The following ACAT1 variants were observed in gnomAD, a reference collection of about 807,000 sequenced individuals.
ACAT1 encodes acetyl-CoA acetyltransferase, mitochondrial.
A neutral mutation model predicts 47.3 loss-of-function variants in ACAT1; 28 were observed. The ratio of observed to expected loss-of-function variants is 0.59; its 90% CI spans 0.44 to 0.81. The LOEUF (loss-of-function observed/expected upper bound fraction) is 0.81, where lower values mean the gene tolerates loss of function less well. Among genes scored for constraint, ACAT1 ranks in the 30% least tolerant of loss-of-function variants. The probability of loss-of-function intolerance (pLI) is 0.00; values close to 1 mark genes in which losing one functional copy is unlikely to be tolerated. For synonymous variants in ACAT1, 181 were observed against 173.6 expected, an observed-to-expected ratio of 1.04 and a Z score of -0.34; for missense variants, 469 against 524.3, an observed-to-expected ratio of 0.89 and a Z score of 1.03.
At chr11:108,125,698 C>T (rs961417210) in intron 1 of ACAT1, among the ~76,000 whole-genome samples, 15 of 151,992 alleles carry the variant, frequency 9.9e-5, no homozygotes, top group African/African-American at 3.1e-4. Flanking sequence ...GAGGCTGAGG[C>T]GGGCAGATCA....
chr11:108,143,913 G>A (rs2077642298), intron 9 of ACAT1, 70 bp from the exon 10 acceptor site: 2 of 1,563,896 alleles, frequency 1.3e-6, no homozygotes, highest in Middle Eastern at 1.8e-4. Flanking sequence ...GGCTAAACTT[G>A]GCTTGTGCAT....
At chr11:108,126,269 C>A (rs575688488) in intron 1 of ACAT1, among the ~76,000 whole-genome samples, 59 of 152,286 alleles carry the variant, frequency 3.9e-4, no homozygotes, top group African/African-American at 1.3e-3. Context: ...TCCCAAAGGG[C>A]TGGGATTATA....
Position 108,121,688 on chromosome 11 carries a change from G to A in ACAT1, c.72+10G>A, listed in dbSNP as rs1324987267. On this transcript the variant is annotated intron_variant, in intron 1 of 11. Transcript: ENST00000265838. ...CCGGAGGCTGGTGCAGGTGAGCGGG[G>A]TTCGTCCCCACAGCACTCAGACCCG... The A allele has an allele frequency of 6.5e-7, 1 of 1,547,580 alleles. No homozygotes were observed. The highest frequency in any genetic ancestry group is 2.4e-5 in the East Asian group (1 of 40,920).
chr11:108,146,901 G>A (rs886494477), intron 11 of ACAT1, among the ~76,000 whole-genome samples: 6 of 152,186 alleles, frequency 3.9e-5, no homozygotes, highest in African/African-American at 1.4e-4. Context: ...CCAACATGGC[G>A]AAACCCTGTC....
chr11:108,139,453 C>T (rs1046968809), intron 6 of ACAT1, among the ~76,000 whole-genome samples: 9 of 151,526 alleles, frequency 5.9e-5, no homozygotes, highest in South Asian at 2.1e-4. Context: ...ATTAGCCAGG[C>T]GTGGTGGTGG....
intron 2 of ACAT1, among the ~76,000 whole-genome samples, chr11:108,133,110 G>A (rs549638722): frequency 2.6e-5 from 4 of 152,080 alleles, no homozygotes; most frequent in Non-Finnish European, 4.4e-5. Context: ...ACTTGAACCC[G>A]GGAGGCAGAG....
intron 10 of ACAT1, among the ~76,000 whole-genome samples, chr11:108,144,497 G>GT (rs1321210622): frequency 4.6e-5 from 7 of 152,276 alleles, no homozygotes; most frequent in African/African-American, 1.7e-4. Context: ...CAAATTGTCA[G>GT]TAAGGGCTAT....
intron 10 of ACAT1, among the ~76,000 whole-genome samples, chr11:108,144,732 GA>G (rs775006373): frequency 2.2e-4 from 34 of 151,960 alleles, no homozygotes; most frequent in Middle Eastern, 3.2e-3. Context: ...GAATCAGTAG[GA>G]AACAAGAATA....
chr11:108,118,730 A>T (rs2077105578), upstream of ACAT1, among the ~76,000 whole-genome samples: 2 of 152,240 alleles, frequency 1.3e-5, no homozygotes, highest in Admixed American at 6.5e-5. Context: ...CATATTGGTG[A>T]TAAAGCTACT....
intron 1 of ACAT1, among the ~76,000 whole-genome samples, chr11:108,127,525 C>T (rs1032839316): frequency 6.6e-6 from 1 of 152,104 alleles, no homozygotes. Context: ...GCCTTGGCCT[C>T]CCAAAGTGCT....
intron 2 of ACAT1, 114 bp from the exon 3 acceptor site, chr11:108,133,706 A>C (rs2077405406): frequency 5.9e-6 from 5 of 849,100 alleles, no homozygotes; most frequent in African/African-American, 5.1e-5. Flanking sequence ...TATTGAGATT[A>C]ATTTTTGATG....
At chr11:108,145,505 C>G (rs1485475259) in intron 10 of ACAT1, among the ~76,000 whole-genome samples, 1 of 151,868 alleles carries the variant, frequency 6.6e-6, no homozygotes, top group Admixed American at 6.6e-5. Context: ...TCCACTTCAG[C>G]CTGGGTGACA....
intron 1 of ACAT1, among the ~76,000 whole-genome samples, chr11:108,126,487 G>A (rs2077249420): frequency 6.6e-6 from 1 of 152,188 alleles, no homozygotes; most frequent in South Asian, 2.1e-4. Flanking sequence ...AATTCCAAGA[G>A]CAATGAAAAG....
At chr11:108,134,432 C>G in intron 4 of ACAT1, 116 bp downstream of exon 4, 1 of 734,102 alleles carries the variant, frequency 1.4e-6, no homozygotes. Context: ...ATCACGAGGT[C>G]AAGAGATGGA....
In ACAT1 at chr11:108,146,333, A is replaced by G. The variant is rs1234841913; in HGVS notation, c.1137A>G (p.Gly379=). The change falls in exon 11 of 12, where the codon GGA becomes GGG. Residue 379 remains glycine, a synonymous_variant. Coordinates refer to ENST00000265838, the MANE Select transcript of ACAT1 (RefSeq NM_000019.4). ...CCCAAAAAGTGAATATCAATGGAGG[A>G]GCTGTTTCTCTGGGACATCCAATTG... ...IDPQKVNING[G]AVSLGHPIGM... 1 of 1,613,902 alleles carries G rather than the reference A, an allele frequency of 6.2e-7. No homozygotes were observed. The highest frequency in any genetic ancestry group is 1.3e-5 in the African/African-American group (1 of 74,916).
chr11:108,133,727 A>C, intron 2 of ACAT1, 93 bp from the exon 3 acceptor site: 1 of 1,030,244 alleles, frequency 9.7e-7, no homozygotes. Flanking sequence ...ACTCATTCAT[A>C]GAAGTGTTTT....
chr11:108,133,749 AT>A (rs1266966373), intron 2 of ACAT1, 70 bp from the exon 3 acceptor site: 3 of 1,242,928 alleles, frequency 2.4e-6, no homozygotes, highest in Non-Finnish European at 3.5e-6. Flanking sequence ...TTGATAATAT[AT>A]TTATGTTTAT....
intron 8 of ACAT1, 64 bp from the exon 9 acceptor site, chr11:108,142,358 CAATAGGTATTTGTTG>C: frequency 8.5e-6 from 9 of 1,064,028 alleles, no homozygotes; most frequent in Non-Finnish European, 1.3e-5. Context: ...GCAGCCCAGG[CAATAGGTATTTGTTG>C]AATTGAACCA....
chr11:108,141,063 A>G (rs914207800), intron 7 of ACAT1, among the ~76,000 whole-genome samples: 23 of 152,166 alleles, frequency 1.5e-4, no homozygotes, highest in African/African-American at 5.5e-4. Flanking sequence ...TGGCCTCCAC[A>G]CAAAAAAATT....
Sources: allele counts gnomAD v4.1 joint callset (sites outside exome capture counted in the v4.1 genomes callset), GRCh38; gene constraint gnomAD v4.1.1; transcripts MANE v1.5; gene names NCBI Gene and HGNC (gene_info 2026-07-23, HGNC 2026-07-21).